BABAM2: variants seen among roughly 807,000 people sequenced by gnomAD.
The protein encoded by BABAM2 is BRISC and BRCA1-A complex member 2.
A neutral mutation model predicts 54.7 loss-of-function variants in BABAM2; 31 were observed. The observed-to-expected ratio is 0.57, with a 90% CI of 0.43 to 0.77. BABAM2 has a LOEUF of 0.77. Ranked by LOEUF, BABAM2 falls within the 30% of genes least tolerant of loss-of-function variation. The pLI is 0.00. For missense variants in BABAM2, 364 were observed against 455.8 expected (o/e 0.80, Z 1.83); for synonymous variants, 167 against 162.9 (o/e 1.03, Z -0.19).
chr2:27,967,649 A>G (rs1670923279), intron 3 of BABAM2, among the ~76,000 whole-genome samples: 1 of 152,132 alleles, frequency 6.6e-6, no homozygotes, highest in Admixed American at 6.5e-5. Context: ...AAGACAGGAA[A>G]ATGTGGGACG....
At chr2:28,316,396 ATGGGGGTGGGAGTGGGGG>A (rs1397305120) in intron 11 of BABAM2, among the ~76,000 whole-genome samples, 2 of 24,246 alleles carry the variant, frequency 8.2e-5, no homozygotes, top group African/African-American at 1.3e-4. Flanking sequence ...GGGAGTGGAA[ATGGGGGTGGGAGTGGGGG>A]TGGGGGTGGG....
chr2:28,332,334 G>A (rs1691034205), intron 11 of BABAM2, among the ~76,000 whole-genome samples: 1 of 152,184 alleles, frequency 6.6e-6, no homozygotes, highest in African/African-American at 2.4e-5. Flanking sequence ...GCTAGTGTCT[G>A]AATTTAATAG....
chr2:28,233,115 C>A, intron 7 of BABAM2: 1 of 440,474 alleles, frequency 2.3e-6, no homozygotes, highest in South Asian at 1.7e-5. Flanking sequence ...CTCATCAGAA[C>A]AGCCCTATCA....
chr2:28,076,508 A>AG lies in BABAM2; in HGVS notation c.570+30709_570+30710insG, dbSNP rs57055609. ...TAGTTAGTTAGTTAGTTAGTTAGTTATTTTTGAGACAGAGTCTTGCTCTGT... is the reference window on the plus strand; with the variant it reads ...TAGTTAGTTAGTTAGTTAGTTAGTTAGTTTTTGAGACAGAGTCTTGCTCTGT... On this transcript the variant is annotated intron_variant, in intron 6 of 11. Coordinates refer to ENST00000379624, the MANE Select transcript of BABAM2 (RefSeq NM_199191.3). Among the ~76,000 whole-genome samples the AG allele has an allele frequency of 4.9e-3, 725 of 149,458 alleles. 8 individuals are homozygous for AG. Among genetic ancestry groups the AG allele is most frequent in the African/African-American group, 0.017 (679 of 40,200 alleles).
At chr2:27,953,582 G>T (rs184210100) in intron 3 of BABAM2, among the ~76,000 whole-genome samples, 25 of 150,946 alleles carry the variant, frequency 1.7e-4, no homozygotes, top group African/African-American at 5.4e-4. Context: ...ATGAACCACC[G>T]CACTGGGCCC....
chr2:28,078,903 T>G (rs1438942859), intron 6 of BABAM2, among the ~76,000 whole-genome samples: 1 of 152,180 alleles, frequency 6.6e-6, no homozygotes, highest in Non-Finnish European at 1.5e-5. Flanking sequence ...CCTCCCTTCC[T>G]CTGTCCTTCC....
chr2:28,258,514 C>G (rs529447292), intron 10 of BABAM2, among the ~76,000 whole-genome samples: 3 of 152,108 alleles, frequency 2.0e-5, no homozygotes, highest in Non-Finnish European at 4.4e-5. Context: ...TTTGCAATTC[C>G]CTAATGACTA....
chr2:28,066,292 T>C (rs1032127028), intron 6 of BABAM2, among the ~76,000 whole-genome samples: 1 of 152,120 alleles, frequency 6.6e-6, no homozygotes, highest in African/African-American at 2.4e-5. Flanking sequence ...ATGATAAATG[T>C]GGTCAGTGTT....
At chr2:28,048,389 G>T (rs957123008) in intron 6 of BABAM2, among the ~76,000 whole-genome samples, 4 of 152,186 alleles carry the variant, frequency 2.6e-5, no homozygotes, top group Non-Finnish European at 5.9e-5. Context: ...TCTTACAGGG[G>T]ATAGAGTGAA....
intron 11 of BABAM2, among the ~76,000 whole-genome samples, chr2:28,333,982 G>A (rs1173976724): frequency 2.0e-5 from 3 of 152,208 alleles, no homozygotes; most frequent in East Asian, 1.9e-4. Context: ...ATCTATAAAT[G>A]GGTGGGAGCC....
At chr2:28,202,156 T>A (rs1286531938) in intron 7 of BABAM2, among the ~76,000 whole-genome samples, 1 of 152,166 alleles carries the variant, frequency 6.6e-6, no homozygotes, top group East Asian at 1.9e-4. Context: ...CACTACTGGG[T>A]CAGAGAGTGA....
chr2:28,285,025 G>C (rs907122407), intron 10 of BABAM2, among the ~76,000 whole-genome samples: 1 of 152,172 alleles, frequency 6.6e-6, no homozygotes, highest in Non-Finnish European at 1.5e-5. Context: ...CCTGAGGTCA[G>C]GTAGCAACTG....
intron 6 of BABAM2, 54 bp from the exon 7 acceptor site, chr2:28,129,216 TA>T: frequency 6.7e-6 from 10 of 1,487,056 alleles, no homozygotes; most frequent in Non-Finnish European, 9.4e-6. Flanking sequence ...AGCTTGACAC[TA>T]ATAAGATGTT....
chr2:28,141,471 T>A (rs1027495593), intron 7 of BABAM2, among the ~76,000 whole-genome samples: 2 of 152,194 alleles, frequency 1.3e-5, no homozygotes, highest in Non-Finnish European at 2.9e-5. Flanking sequence ...AACATAATTC[T>A]GATGTTAGGA....
At chr2:28,200,892 C>T (rs1222345669) in intron 7 of BABAM2, among the ~76,000 whole-genome samples, 1 of 152,190 alleles carries the variant, frequency 6.6e-6, no homozygotes, top group Non-Finnish European at 1.5e-5. Flanking sequence ...CCTCACCCTC[C>T]TGCATAGCTG....
chr2:27,925,672 G>A (rs1667641305), intron 2 of BABAM2, among the ~76,000 whole-genome samples: 1 of 152,170 alleles, frequency 6.6e-6, no homozygotes, highest in African/African-American at 2.4e-5. Flanking sequence ...ACTTTGGGCA[G>A]CAGAGCTCCT....
chr2:28,009,134 G>A (rs1489360819), intron 4 of BABAM2, among the ~76,000 whole-genome samples: 2 of 152,102 alleles, frequency 1.3e-5, no homozygotes, highest in Non-Finnish European at 1.5e-5. Context: ...AGTGTTCTGG[G>A]TTTTGCCTGC....
chr2:28,098,282 C>G (rs1427762404), intron 6 of BABAM2, among the ~76,000 whole-genome samples: 4 of 152,046 alleles, frequency 2.6e-5, no homozygotes, highest in Non-Finnish European at 5.9e-5. Flanking sequence ...AAATTAATAC[C>G]CATTTATTGA....
intron 6 of BABAM2, among the ~76,000 whole-genome samples, chr2:28,104,582 C>T (rs1465814064): frequency 3.3e-5 from 5 of 152,194 alleles, no homozygotes; most frequent in Admixed American, 2.0e-4. Flanking sequence ...CACTTTTACA[C>T]TGTTGGTGGG....
Sources: allele counts gnomAD v4.1 joint callset (sites outside exome capture counted in the v4.1 genomes callset), GRCh38; gene constraint gnomAD v4.1.1; transcripts MANE v1.5; gene names NCBI Gene and HGNC (gene_info 2026-07-23, HGNC 2026-07-21).